Variants in FHIT observed in about 807,000 individuals in gnomAD.
The protein encoded by FHIT is fragile histidine triad diadenosine triphosphatase, also known as bis(5'-adenosyl)-triphosphatase.
In FHIT, 19 loss-of-function variants were observed where a neutral mutation model predicts 17.9. That is an observed-to-expected ratio of 1.06 (90% CI 0.74 to 1.56). The LOEUF is 1.56. Ranked by LOEUF, FHIT falls within the 40% of genes most tolerant of loss-of-function variation. The pLI is 0.00. For synonymous variants in FHIT, 81 were observed against 69.7 expected (o/e 1.16, Z -0.81); for missense variants, 248 against 189.2 (o/e 1.31, Z -1.82).
At chr3:60,170,834 TATTTA>T (rs1328960013) in intron 5 of FHIT, among the ~76,000 whole-genome samples, 1 of 152,220 alleles carries the variant, frequency 6.6e-6, no homozygotes, top group Non-Finnish European at 1.5e-5. Context: ...TAGATAAACC[TATTTA>T]ATTATCTATT....
intron 2 of FHIT, among the ~76,000 whole-genome samples, chr3:61,100,456 A>G (rs1490027239): frequency 5.3e-5 from 8 of 152,176 alleles, no homozygotes; most frequent in Non-Finnish European, 1.0e-4. Context: ...TATCCAGTCT[A>G]TCATTGATGG....
intron 2 of FHIT, among the ~76,000 whole-genome samples, chr3:61,086,159 T>C (rs1184711134): frequency 6.6e-6 from 1 of 152,172 alleles, no homozygotes; most frequent in African/African-American, 2.4e-5. Context: ...GTGAGAACAG[T>C]CACCCTTTTC....
At chr3:59,939,633 T>C (rs1229005573) in intron 7 of FHIT, among the ~76,000 whole-genome samples, 2 of 152,208 alleles carry the variant, frequency 1.3e-5, no homozygotes, top group Non-Finnish European at 2.9e-5. Flanking sequence ...TGAATGTGTC[T>C]TCTAGGCGTT....
At chr3:60,316,665 C>G (rs1240975749) in intron 5 of FHIT, among the ~76,000 whole-genome samples, 1 of 152,200 alleles carries the variant, frequency 6.6e-6, no homozygotes, top group Non-Finnish European at 1.5e-5. Context: ...AATGTTACAA[C>G]TGCCACAGGC....
chr3:61,145,338 A>T (rs1238679998), intron 2 of FHIT, among the ~76,000 whole-genome samples: 12 of 152,108 alleles, frequency 7.9e-5, no homozygotes. Flanking sequence ...GTTAAAAATC[A>T]ATTGACCATA....
At chr3:60,871,371 T>C (rs530744172) in intron 3 of FHIT, among the ~76,000 whole-genome samples, 1 of 152,130 alleles carries the variant, frequency 6.6e-6, no homozygotes, top group Non-Finnish European at 1.5e-5. Flanking sequence ...TTATCTCTCC[T>C]AATCAGGCTT....
chr3:59,993,831 A>G (rs1160879461), intron 7 of FHIT, among the ~76,000 whole-genome samples: 1 of 152,022 alleles, frequency 6.6e-6, no homozygotes, highest in Non-Finnish European at 1.5e-5. Flanking sequence ...AACCTCAGTT[A>G]ACCTCATCTT....
At chr3:60,519,337 G>T (rs966306170) in intron 5 of FHIT, among the ~76,000 whole-genome samples, 1 of 152,144 alleles carries the variant, frequency 6.6e-6, no homozygotes, top group African/African-American at 2.4e-5. Flanking sequence ...TTCATTAGCT[G>T]GTTACTGGTA....
chr3:60,095,758 G>A (rs146326740), intron 5 of FHIT, among the ~76,000 whole-genome samples: 2 of 152,186 alleles, frequency 1.3e-5, no homozygotes, highest in Admixed American at 6.5e-5. Context: ...ACAACAGCCT[G>A]TTCGTTCTGT....
chr3:60,283,310 T>A (rs558072154), intron 5 of FHIT, among the ~76,000 whole-genome samples: 1 of 152,170 alleles, frequency 6.6e-6, no homozygotes, highest in Non-Finnish European at 1.5e-5. Flanking sequence ...GTCATCCAGT[T>A]CCAATGTTTT....
chr3:59,928,187 C>T (rs17061484), intron 7 of FHIT, among the ~76,000 whole-genome samples: 5,800 of 152,226 alleles, frequency 0.038, 386 homozygotes, highest in African/African-American at 0.13. Context: ...GAACAACAGA[C>T]GATACTGTGG....
chr3:59,751,871 AAGTTG>A (rs1352372734), intron 9 of FHIT: 1 of 224,896 alleles, frequency 4.4e-6, no homozygotes, highest in African/African-American at 2.5e-5. Flanking sequence ...CCTTTAAGTT[AAGTTG>A]GGGTTGACCT....
In FHIT at chr3:60,412,163, C is replaced by T. The variant is rs34417630; in HGVS notation, c.103+124697G>A. On this transcript the variant is annotated intron_variant, in intron 5 of 9. Coordinates refer to ENST00000492590, the MANE Select transcript of FHIT (RefSeq NM_002012.4). Reference sequence around the variant, plus strand: ...GCTGAAGCATGAGGATGGCTTGAGCCTAGGAGTTTCAGTCTAGCGTGGGCA... The same window carrying T: ...GCTGAAGCATGAGGATGGCTTGAGCTTAGGAGTTTCAGTCTAGCGTGGGCA... 7.8e-3 allele frequency among the ~76,000 whole-genome samples: 1,182 copies of T among 152,144 alleles called. 8 individuals are homozygous for T. Among genetic ancestry groups the T allele is most frequent in the Middle Eastern group, 0.017 (5 of 294 alleles).
intron 5 of FHIT, among the ~76,000 whole-genome samples, chr3:60,355,746 A>T (rs1042673678): frequency 6.6e-6 from 1 of 151,612 alleles, no homozygotes; most frequent in African/African-American, 2.4e-5. Context: ...TTATCTTGAC[A>T]AATAGATGAC....
chr3:60,678,477 C>T (rs1465758324), intron 4 of FHIT, among the ~76,000 whole-genome samples: 4 of 152,196 alleles, frequency 2.6e-5, no homozygotes, highest in Non-Finnish European at 5.9e-5. Context: ...CATTATATAT[C>T]GCTGTTCAAT....
chr3:60,309,263 A>T (rs1381825084), intron 5 of FHIT, among the ~76,000 whole-genome samples: 1 of 152,038 alleles, frequency 6.6e-6, no homozygotes, highest in Non-Finnish European at 1.5e-5. Context: ...CAAATACATA[A>T]AGTGCTGTGT....
intron 4 of FHIT, among the ~76,000 whole-genome samples, chr3:60,588,932 A>G (rs2037992403): frequency 6.6e-6 from 1 of 152,058 alleles, no homozygotes; most frequent in African/African-American, 2.4e-5. Flanking sequence ...TCCAGGAAAA[A>G]TTGGTCATAA....
chr3:60,783,372 G>C (rs1352107563), intron 4 of FHIT, among the ~76,000 whole-genome samples: 1 of 152,194 alleles, frequency 6.6e-6, no homozygotes, highest in African/African-American at 2.4e-5. Context: ...ACAGTCTGTA[G>C]TCAGAGGTCA....
chr3:60,441,205 A>G (rs1338039361), intron 5 of FHIT, among the ~76,000 whole-genome samples: 1 of 152,110 alleles, frequency 6.6e-6, no homozygotes. Flanking sequence ...TGATTCACCA[A>G]TATTCGATGA....
Sources: allele counts gnomAD v4.1 joint callset (sites outside exome capture counted in the v4.1 genomes callset), GRCh38; gene constraint gnomAD v4.1.1; transcripts MANE v1.5; gene names NCBI Gene and HGNC (gene_info 2026-07-23, HGNC 2026-07-21).